The following PARD3B variants were observed in gnomAD, a reference collection of about 807,000 sequenced individuals.
The protein encoded by PARD3B is partitioning defective 3 homolog B.
A neutral mutation model predicts 130.2 loss-of-function variants in PARD3B; 103 were observed. That is an observed-to-expected ratio of 0.79 (90% confidence interval 0.67 to 0.93). PARD3B has a LOEUF of 0.93. PARD3B is among the 40% of genes least tolerant of loss of function. The pLI, the probability that PARD3B is intolerant of heterozygous loss-of-function variation, is 0.00. For missense variants in PARD3B, 1,609 were observed against 1,499.2 expected (o/e 1.07, Z -1.21); for synonymous variants, 583 against 553.2 (o/e 1.05, Z -0.76).
At chr2:204,559,695 C>T (rs1288559638) in intron 1 of PARD3B, among the ~76,000 whole-genome samples, 1 of 152,172 alleles carries the variant, frequency 6.6e-6, no homozygotes, top group African/African-American at 2.4e-5. Flanking sequence ...TGGGTATATA[C>T]CCAAAGGATT....
At chr2:205,339,772 A>G (rs1294311214) in intron 18 of PARD3B, among the ~76,000 whole-genome samples, 1 of 152,152 alleles carries the variant, frequency 6.6e-6, no homozygotes, top group Non-Finnish European at 1.5e-5. Context: ...TGCAACAAGG[A>G]CACCGACCGG....
intron 10 of PARD3B, among the ~76,000 whole-genome samples, chr2:205,148,695 T>C (rs912629708): frequency 2.0e-5 from 3 of 152,310 alleles, no homozygotes; most frequent in East Asian, 3.9e-4. Flanking sequence ...TTGCCAGATA[T>C]GGCTTTTGCT....
At chr2:204,648,580 T>A (rs966811343) in intron 1 of PARD3B, among the ~76,000 whole-genome samples, 1 of 126,908 alleles carries the variant, frequency 7.9e-6, no homozygotes, top group Non-Finnish European at 1.6e-5. Context: ...ATATATATTA[T>A]ATATTATATT....
intron 1 of PARD3B, among the ~76,000 whole-genome samples, chr2:204,570,396 C>T (rs549111762): frequency 1.3e-4 from 20 of 152,240 alleles, no homozygotes; most frequent in South Asian, 4.2e-4. Flanking sequence ...TGCTTTGTGC[C>T]GCCTTCTGTA....
chr2:205,384,510 A>T (rs139695677), intron 18 of PARD3B, among the ~76,000 whole-genome samples: 11 of 152,084 alleles, frequency 7.2e-5, no homozygotes, highest in Admixed American at 6.6e-4. Flanking sequence ...TGATTCAATG[A>T]TGGACTTATG....
chr2:205,445,549 C>G (rs558683502), intron 20 of PARD3B, among the ~76,000 whole-genome samples: 1 of 152,232 alleles, frequency 6.6e-6, no homozygotes, highest in Non-Finnish European at 1.5e-5. Context: ...ACGGCCGGAT[C>G]TCACGAGAAC....
At chr2:205,085,768 A>T (rs1276607059) in intron 4 of PARD3B, among the ~76,000 whole-genome samples, 1 of 152,068 alleles carries the variant, frequency 6.6e-6, no homozygotes, top group East Asian at 1.9e-4. Flanking sequence ...TATTCAGTAT[A>T]TATTTACATT....
chr2:205,583,467 T>C (rs533039682), intron 22 of PARD3B, among the ~76,000 whole-genome samples: 20 of 152,124 alleles, frequency 1.3e-4, no homozygotes, highest in Admixed American at 7.9e-4. Context: ...GCCTTGAGAA[T>C]AGACATCATG....
rs570949073 is a variant in PARD3B, at chr2:204,894,055, T to TA, written c.223-71084dup. ...ACCTTATCTTAAACTCTATTTTAGTTAAAAAAAAAAAAAGTTAATTGCCAT... is the reference window on the plus strand; with the variant it reads ...ACCTTATCTTAAACTCTATTTTAGTTAAAAAAAAAAAAAAGTTAATTGCCAT... On this transcript the variant is annotated intron_variant, in intron 2 of 22. Coordinates refer to ENST00000406610, the MANE Select transcript of PARD3B (RefSeq NM_001302769.2). Among the ~76,000 whole-genome samples, 1,243 of 144,482 alleles carry TA rather than the reference T, an allele frequency of 8.6e-3. 4 individuals are homozygous for TA. Among genetic ancestry groups the TA allele is most frequent in the East Asian group, 0.011 (53 of 4,998 alleles). 94.8% of individuals were successfully genotyped at this position (144,482 alleles called of 152,430 possible).
At chr2:204,668,143 G>A (rs1229537440) in intron 1 of PARD3B, among the ~76,000 whole-genome samples, 1 of 152,184 alleles carries the variant, frequency 6.6e-6, no homozygotes, top group Non-Finnish European at 1.5e-5. Flanking sequence ...ATAAGCAGGA[G>A]AGAGAGGAGA....
chr2:205,599,967 T>C (rs2054720089), intron 22 of PARD3B, among the ~76,000 whole-genome samples: 1 of 152,192 alleles, frequency 6.6e-6, no homozygotes. Context: ...GTCCTCAAAA[T>C]TTCTTCAAAG....
At chr2:204,831,404 A>G (rs1281045718) in intron 2 of PARD3B, among the ~76,000 whole-genome samples, 1 of 152,356 alleles carries the variant, frequency 6.6e-6, no homozygotes, top group Middle Eastern at 3.4e-3. Flanking sequence ...AACTCAATCC[A>G]CATGTCTTAA....
chr2:204,901,520 A>G (rs2046857863), intron 2 of PARD3B, among the ~76,000 whole-genome samples: 2 of 151,824 alleles, frequency 1.3e-5, no homozygotes, highest in East Asian at 3.9e-4. Context: ...GAGCCGGTCC[A>G]GAAATGCCAT....
chr2:204,732,690 C>T (rs992486930), intron 2 of PARD3B, among the ~76,000 whole-genome samples: 2 of 151,970 alleles, frequency 1.3e-5, no homozygotes, highest in African/African-American at 4.8e-5. Context: ...CAGATTTAAG[C>T]CTGAGAACTC....
intron 2 of PARD3B, among the ~76,000 whole-genome samples, chr2:204,936,732 G>A (rs1338297826): frequency 6.6e-6 from 1 of 152,178 alleles, no homozygotes; most frequent in Non-Finnish European, 1.5e-5. Flanking sequence ...TATGAGTTTA[G>A]TGAATACAAA....
intron 1 of PARD3B, among the ~76,000 whole-genome samples, chr2:204,596,079 T>C (rs1479800861): frequency 6.6e-6 from 1 of 152,232 alleles, no homozygotes; most frequent in Non-Finnish European, 1.5e-5. Context: ...GTGATGATTT[T>C]TTTTGATAGA....
At chr2:205,156,978 A>G (rs1423304302) in intron 10 of PARD3B, among the ~76,000 whole-genome samples, 1 of 152,258 alleles carries the variant, frequency 6.6e-6, no homozygotes, top group African/African-American at 2.4e-5. Context: ...ATTTAATCAT[A>G]AAATGAAGTG....
At chr2:204,758,861 C>A (rs73060935) in intron 2 of PARD3B, among the ~76,000 whole-genome samples, 1 of 152,128 alleles carries the variant, frequency 6.6e-6, no homozygotes, top group African/African-American at 2.4e-5. Context: ...CCCCTTAGAA[C>A]CCTAAAATAG....
At chr2:204,911,925 A>C (rs1575284452) in intron 2 of PARD3B, among the ~76,000 whole-genome samples, 1 of 152,266 alleles carries the variant, frequency 6.6e-6, no homozygotes, top group East Asian at 1.9e-4. Flanking sequence ...AACTAAAAAA[A>C]ACAAAAAGTA....
Sources: allele counts gnomAD v4.1 joint callset (sites outside exome capture counted in the v4.1 genomes callset), GRCh38; gene constraint gnomAD v4.1.1; transcripts MANE v1.5; gene names NCBI Gene and HGNC (gene_info 2026-07-23, HGNC 2026-07-21).